Variants in EXD1 observed in about 807,000 individuals in gnomAD.
The protein encoded by EXD1 is exonuclease 3'-5' domain containing 1, also known as piRNA biogenesis protein EXD1.
In EXD1, 63 loss-of-function variants were observed where a neutral mutation model predicts 49.1. The ratio of observed to expected loss-of-function variants is 1.28; its 90% CI spans 1.05 to 1.58. The LOEUF is 1.58. EXD1 is among the 40% of genes most tolerant of loss of function. EXD1 has a pLI of 0.00. For missense variants in EXD1, 748 were observed against 666.0 expected (o/e 1.12, Z -1.36); for synonymous variants, 234 against 239.2 (o/e 0.98, Z 0.20).
intron 6 of EXD1, 88 bp from the exon 7 acceptor site, chr15:41,209,675 C>T (rs1313661988): frequency 8.7e-7 from 1 of 1,147,286 alleles, no homozygotes; most frequent in African/African-American, 1.5e-5. Flanking sequence ...CAATGGTCAG[C>T]AGTAAACAAA....
At position 41,226,638 on chromosome 15, in the gene EXD1, T is replaced by A. The variant is rs1369921001; in HGVS notation, c.-53-10A>T. 4.7e-6 allele frequency: 7 copies of A among 1,479,058 alleles called. No individual in the cohort carries two copies. The highest frequency in any genetic ancestry group is 3.6e-6 in the Non-Finnish European group (4 of 1,120,724). The allele number at this position is 1,479,058 out of a possible 1,614,324, so 91.6% of individuals were successfully genotyped here. A position where few individuals can be genotyped will look rare whatever the true frequency, so the allele number is the denominator to read the frequency against. ...TTTAAGCATCCAAACACTTGAAAAT[T>A]AATAAAGAGATCTATGAATTTTAAA... On this transcript the variant is annotated splice_polypyrimidine_tract_variant and intron_variant, in intron 1 of 11. Transcript: ENST00000458580.
At chr15:41,213,535 T>C (rs2046954529) in intron 6 of EXD1, among the ~76,000 whole-genome samples, 1 of 143,308 alleles carries the variant, frequency 7.0e-6, no homozygotes. Flanking sequence ...TGTTGTTTTT[T>C]GAGACAGAGT....
At chr15:41,222,773 A>T (rs565470172) in intron 2 of EXD1, among the ~76,000 whole-genome samples, 24,569 of 150,488 alleles carry the variant, frequency 0.16, 3,714 homozygotes, top group African/African-American at 0.4. Context: ...CCTGTCTCTA[A>T]TAAAATACAA....
chr15:41,193,807 A>AT (rs977652846), intron 9 of EXD1, among the ~76,000 whole-genome samples: 1 of 151,962 alleles, frequency 6.6e-6, no homozygotes, highest in African/African-American at 2.4e-5. Context: ...AGAAAAGCTA[A>AT]TAAAATAAAT....
chr15:41,192,421 C>T (rs1255483053), intron 9 of EXD1, among the ~76,000 whole-genome samples: 28 of 152,010 alleles, frequency 1.8e-4, no homozygotes, highest in Non-Finnish European at 2.9e-5. Flanking sequence ...CTCAGCCTCC[C>T]GAGTAGCTGT....
chr15:41,196,921 G>A (rs766038258), intron 7 of EXD1, among the ~76,000 whole-genome samples: 2 of 151,874 alleles, frequency 1.3e-5, no homozygotes, highest in Admixed American at 6.6e-5. Context: ...AACCACCCAG[G>A]CTCTTGTGAT....
At chr15:41,216,947 C>G in intron 4 of EXD1, 150 bp downstream of exon 4, 1 of 1,320,056 alleles carries the variant, frequency 7.6e-7, no homozygotes, top group Non-Finnish European at 1.0e-6. Flanking sequence ...AGGGCGCTAT[C>G]TAACAATGGA....
rs372422194 is a variant in EXD1, at chr15:41,193,028, T to A, written c.721-1443A>T. Among the ~76,000 whole-genome samples, 510 of 151,976 alleles carry A rather than the reference T, an allele frequency of 3.4e-3. 2 individuals are homozygous for A. Among genetic ancestry groups the A allele is most frequent in the African/African-American group, 0.012 (484 of 41,482 alleles). ...CTCGATCTCCTGACCTTGTGATCCG[T>A]CCGCCTCGCCCTCCCAAAGTGCTGG... On this transcript the variant is annotated intron_variant, in intron 9 of 11. Coordinates refer to ENST00000458580, the MANE Select transcript of EXD1 (RefSeq NM_001286441.2).
intron 7 of EXD1, among the ~76,000 whole-genome samples, chr15:41,208,917 AAGACCTCCAGC>A (rs2046876784): frequency 6.6e-6 from 1 of 152,098 alleles, no homozygotes; most frequent in Admixed American, 6.6e-5. Context: ...AGAACTGGGA[AAGACCTCCAGC>A]AGAGCCCGAG....
intron 7 of EXD1, among the ~76,000 whole-genome samples, chr15:41,201,624 G>A: frequency 6.6e-6 from 1 of 151,392 alleles, no homozygotes; most frequent in East Asian, 1.9e-4. Context: ...CGAGTAGCTG[G>A]GACTACAGGT....
intron 7 of EXD1, 70 bp from the exon 8 acceptor site, chr15:41,196,107 A>T: frequency 9.2e-7 from 1 of 1,090,552 alleles, no homozygotes; most frequent in Non-Finnish European, 1.3e-6. Context: ...TTTGAGGATG[A>T]AGAGTAAAAG....
intron 6 of EXD1, among the ~76,000 whole-genome samples, chr15:41,212,793 C>T (rs2046940783): frequency 6.6e-6 from 1 of 152,170 alleles, no homozygotes; most frequent in South Asian, 2.1e-4. Context: ...AATCCCAGCA[C>T]TTTGGGAAGC....
At chr15:41,198,669 A>G (rs1301497257) in intron 7 of EXD1, among the ~76,000 whole-genome samples, 1 of 151,818 alleles carries the variant, frequency 6.6e-6, no homozygotes, top group African/African-American at 2.4e-5. Context: ...AGCCTAGGTG[A>G]CAGAAATAGA....
chr15:41,191,579 C>T lies in EXD1; in HGVS notation c.727G>A (p.Asp243Asn), dbSNP rs1191728859. 1 of 1,613,862 alleles carries T rather than the reference C, an allele frequency of 6.2e-7. No individual in the cohort carries two copies. ...GTTTCCATGGAAAACTGAAGTACAT[C>T]TGCTACCTGTGGTATTTTAAAAAGA... Reference protein sequence around the residue: ...LNNVFDTQVADVLQFSMETGG... With the variant: ...LNNVFDTQVANVLQFSMETGG... Residue 243 changes from aspartate (D) to asparagine (N), a missense_variant, in exon 10 of 12, where the codon GAT becomes AAT. Transcript: ENST00000458580.
At chr15:41,218,040 A>T (rs1227897954) in intron 3 of EXD1, among the ~76,000 whole-genome samples, 1 of 152,188 alleles carries the variant, frequency 6.6e-6, no homozygotes, top group East Asian at 1.9e-4. Flanking sequence ...CACAGGACAA[A>T]GACAGAAATG....
At chr15:41,226,019 A>G (rs11070324) in intron 2 of EXD1, among the ~76,000 whole-genome samples, 44,076 of 151,904 alleles carry the variant, frequency 0.29, 8,950 homozygotes, top group African/African-American at 0.57. Context: ...TTGGGAGGCC[A>G]AGGCAGGCGG....
intron 9 of EXD1, 95 bp downstream of exon 9, chr15:41,195,678 AAT>A: frequency 2.2e-6 from 2 of 896,506 alleles, no homozygotes; most frequent in Non-Finnish European, 1.5e-6. Flanking sequence ...AAAAAAAAAA[AAT>A]TAAAAAGACT....
In EXD1 at chr15:41,226,524, C is replaced by A; in HGVS notation, c.52G>T (p.Val18Leu). The A allele has an allele frequency of 6.5e-7, 1 of 1,536,050 alleles. No individual in the cohort carries two copies. The highest frequency in any genetic ancestry group is 2.0e-5 in the Admixed American group (1 of 50,974). Residue 18 changes from valine (V) to leucine (L), a missense_variant, in exon 2 of 12, where the codon GTG becomes TTG. Val to Leu is a conservative substitution (Grantham distance 32, BLOSUM62 1). Coordinates refer to ENST00000458580, the MANE Select transcript of EXD1 (RefSeq NM_001286441.2). ...HFLSQILWKR[V>L]KLTLVCGVFE... ...ACACCACAGACCAATGTGAGTTTCACCCTCTTCCACAAAATCTGGCTGAGG... is the reference window on the plus strand; with the variant it reads ...ACACCACAGACCAATGTGAGTTTCAACCTCTTCCACAAAATCTGGCTGAGG...
intron 7 of EXD1, among the ~76,000 whole-genome samples, chr15:41,209,133 C>T (rs2046881026): frequency 6.6e-6 from 1 of 152,132 alleles, no homozygotes; most frequent in Admixed American, 6.6e-5. Context: ...ATTAATAAAT[C>T]TACCAGTGAG....
Sources: allele counts gnomAD v4.1 joint callset (sites outside exome capture counted in the v4.1 genomes callset), GRCh38; gene constraint gnomAD v4.1.1; transcripts MANE v1.5; gene names NCBI Gene and HGNC (gene_info 2026-07-23, HGNC 2026-07-21).